The following PLCXD1 variants were observed in gnomAD, a reference collection of about 807,000 sequenced individuals.
The protein encoded by PLCXD1 is PI-PLC X domain-containing protein 1.
Under a neutral mutation model 37.8 loss-of-function variants are expected in PLCXD1, and 45 were observed. The observed-to-expected ratio is 1.19, with a 90% CI of 0.94 to 1.53. The LOEUF (loss-of-function observed/expected upper bound fraction) is 1.53, where lower values mean the gene tolerates loss of function less well. Ranked by LOEUF, PLCXD1 falls within the 40% of genes most tolerant of loss-of-function variation. The probability of loss-of-function intolerance (pLI) is 0.00; values close to 1 mark genes in which losing one functional copy is unlikely to be tolerated. For missense variants in PLCXD1, 539 were observed against 454.7 expected (o/e 1.19, Z -1.69); for synonymous variants, 246 against 206.9 (o/e 1.19, Z -1.62).
Position 284,194 on chromosome X carries a change from G to A in PLCXD1, c.7G>A (p.Gly3Arg). The stretch of plus-strand genomic sequence containing the variant: ...TGCCCAGGGCTCACCTCTGATGGGT[G>A]GGCAGGTGAGCGCTTCCAACAGCTT... MGGQVSASNSFSR... is the reference protein window; with the variant it reads MGRQVSASNSFSR... The change falls in exon 2 of 7, where the codon GGG (glycine) becomes AGG (arginine). Residue 3 changes from glycine (G) to arginine (R), a missense_variant. By Grantham distance (125) the Gly-to-Arg change is moderately radical. Coordinates refer to ENST00000381657, the MANE Select transcript of PLCXD1 (RefSeq NM_018390.4). 1.9e-6 allele frequency: 3 copies of A among 1,613,106 alleles called. No individual in the cohort carries two copies. Among genetic ancestry groups the A allele is most frequent in the Non-Finnish European group, 2.5e-6 (3 of 1,179,666 alleles).
intron 1 of PLCXD1, chrX:283,642 G>A (rs1239555767): frequency 5.8e-5 from 8 of 137,422 alleles, no homozygotes; most frequent in Non-Finnish European, 1.3e-4. Context: ...CCGGGTGGGG[G>A]CGGCCTTGGT....
chrX:299,223 A>G lies in PLCXD1; in HGVS notation c.860A>G (p.Gln287Arg), dbSNP rs1411957133. 1.2e-6 allele frequency: 2 copies of G among 1,613,780 alleles called. No individual in the cohort carries two copies. The highest frequency in any genetic ancestry group is 2.7e-5 in the African/African-American group (2 of 74,912). The change falls in exon 7 of 7, where the codon CAG becomes CGG. Residue 287 changes from glutamine to arginine, a missense_variant. By Grantham distance (43) the Gln-to-Arg change is conservative (BLOSUM62 1). Coordinates refer to ENST00000381657, the MANE Select transcript of PLCXD1 (RefSeq NM_018390.4). ...CGGCTGAGCGCGTGGGTCCGAGAGC[A>G]GTGCCCGGGGCCGGGTTCACGGTGC... ...LPRLSAWVREQCPGPGSRCTN... is the reference protein window; with the variant it reads ...LPRLSAWVRERCPGPGSRCTN...
intron 3 of PLCXD1, among the ~76,000 whole-genome samples, chrX:289,150 T>C (rs906106172): frequency 3.9e-5 from 6 of 152,068 alleles, no homozygotes; most frequent in Admixed American, 1.3e-4. Flanking sequence ...TGCAGTGGCG[T>C]GATCTCGGCT....
At chrX:282,958 A>T (rs764993699) in intron 1 of PLCXD1, among the ~76,000 whole-genome samples, 2 of 142,280 alleles carry the variant, frequency 1.4e-5, no homozygotes, top group Non-Finnish European at 3.0e-5. Flanking sequence ...TATATATATT[A>T]TATATGTATA....
At chrX:287,746 A>ATATATCTTAAATATAGATATATT (rs2069504574) in intron 2 of PLCXD1, among the ~76,000 whole-genome samples, 1 of 147,592 alleles carries the variant, frequency 6.8e-6, no homozygotes, top group East Asian at 2.0e-4. Flanking sequence ...TCTTAAATAT[A>ATATATCTTAAATATAGATATATT]TATATCTTAA....
intron 1 of PLCXD1, among the ~76,000 whole-genome samples, chrX:282,840 T>C (rs1047720491): frequency 1.4e-5 from 2 of 146,964 alleles, no homozygotes; most frequent in African/African-American, 4.9e-5. Context: ...TATATATACT[T>C]ATATATGTAT....
chrX:279,424 G>A (rs1190596787), upstream of PLCXD1, among the ~76,000 whole-genome samples: 3 of 152,156 alleles, frequency 2.0e-5, no homozygotes, highest in Non-Finnish European at 4.4e-5. Context: ...GGTGAGGCGG[G>A]CTTCCAGGTC....
At chrX:286,546 C>CT (rs2069456508) in intron 2 of PLCXD1, among the ~76,000 whole-genome samples, 1 of 152,026 alleles carries the variant, frequency 6.6e-6, no homozygotes, top group African/African-American at 2.4e-5. Flanking sequence ...AGCCGAGCTC[C>CT]TTAAAAAAGA....
At chrX:296,286 A>T (rs1294786030) in intron 6 of PLCXD1, among the ~76,000 whole-genome samples, 2 of 151,640 alleles carry the variant, frequency 1.3e-5, no homozygotes, top group East Asian at 3.9e-4. Flanking sequence ...ATGCTGAGCT[A>T]ATTTTTGGAT....
At chrX:289,685 G>A (rs1020384582) in intron 3 of PLCXD1, among the ~76,000 whole-genome samples, 19 of 150,906 alleles carry the variant, frequency 1.3e-4, no homozygotes, top group Non-Finnish European at 2.4e-4. Flanking sequence ...CTAATTTTTG[G>A]TATTTTGAGT....
At position 299,324 on chromosome X, in the gene PLCXD1, C is replaced by A; in HGVS notation, c.961C>A (p.Leu321Met). ...SDVIALNQKL[L>M]WC ...CGTCATCGCGCTCAATCAGAAGCTGCTGTGGTGCTGACGGGACCCTTCTGA... is the reference window on the plus strand; with the variant it reads ...CGTCATCGCGCTCAATCAGAAGCTGATGTGGTGCTGACGGGACCCTTCTGA... Residue 321 changes from leucine (L) to methionine (M), a missense_variant, in exon 7 of 7, where the codon CTG becomes ATG. Physicochemically the swap from Leu to Met is conservative, Grantham distance 15. Coordinates refer to ENST00000381657, the MANE Select transcript of PLCXD1 (RefSeq NM_018390.4). The A allele has an allele frequency of 6.2e-7, 1 of 1,611,714 alleles. No homozygotes were observed. The highest frequency in any genetic ancestry group is 8.5e-7 in the Non-Finnish European group (1 of 1,177,854).
intron 6 of PLCXD1, among the ~76,000 whole-genome samples, chrX:293,678 G>T (rs1345252395): frequency 2.0e-5 from 3 of 152,180 alleles, no homozygotes; most frequent in Non-Finnish European, 4.4e-5. Flanking sequence ...CCACGCGGTG[G>T]AATATTACAC....
chrX:301,955 A>G lies in PLCXD1; in HGVS notation c.*2620A>G, dbSNP rs963292329. The G allele has an allele frequency of 1.3e-5, 2 of 152,288 alleles. No homozygotes were observed. The highest frequency in any genetic ancestry group is 4.8e-5 in the African/African-American group (2 of 41,444). The allele number at this position is 152,288 out of a possible 1,614,324, so 9.4% of individuals were successfully genotyped here. A position where few individuals can be genotyped will look rare whatever the true frequency, so the allele number is the denominator to read the frequency against. On this transcript the variant is annotated 3_prime_UTR_variant, in exon 7 of 7. Transcript: ENST00000381657. The stretch of plus-strand genomic sequence containing the variant: ...GCCAGTATTTCCCTGGCCCTAAATC[A>G]TTCCTGGCTGGGTCCCAGCCCAGTA...
intron 3 of PLCXD1, among the ~76,000 whole-genome samples, chrX:289,355 G>A (rs1431349496): frequency 2.6e-5 from 4 of 151,980 alleles, no homozygotes; most frequent in African/African-American, 7.2e-5. Flanking sequence ...CGAAAGTGCT[G>A]GGATTACAGG....
At chrX:291,406 A>G (rs1167223308) in intron 4 of PLCXD1, 93 bp from the exon 5 acceptor site, 1 of 1,471,128 alleles carries the variant, frequency 6.8e-7, no homozygotes, top group Non-Finnish European at 9.5e-7. Flanking sequence ...TCGGCCTCCC[A>G]AATTGCTGGG....
At chrX:295,681 C>CG (rs2069783362) in intron 6 of PLCXD1, among the ~76,000 whole-genome samples, 1 of 151,514 alleles carries the variant, frequency 6.6e-6, no homozygotes, top group African/African-American at 2.4e-5. Flanking sequence ...CCCGCCACCA[C>CG]ACCCGGCTAA....
intron 4 of PLCXD1, 104 bp from the exon 5 acceptor site, chrX:291,395 C>G: frequency 7.6e-7 from 1 of 1,311,892 alleles, no homozygotes; most frequent in East Asian, 2.3e-5. Flanking sequence ...ATCCACCCGC[C>G]TCGGCCTCCC....
chrX:279,757 G>C (rs1302694973), upstream of PLCXD1, among the ~76,000 whole-genome samples: 1 of 148,884 alleles, frequency 6.7e-6, no homozygotes, highest in Non-Finnish European at 1.5e-5. Context: ...CTGCGCAACA[G>C]AGCGAGACCC....
intron 2 of PLCXD1, among the ~76,000 whole-genome samples, chrX:286,600 G>A (rs902034284): frequency 3.3e-5 from 5 of 152,192 alleles, no homozygotes; most frequent in South Asian, 2.1e-4. Flanking sequence ...AGGGGTCCAC[G>A]TGAAGGGGTC....
Sources: gnomAD v4.1 joint callset for allele counts (sites outside exome capture counted in the v4.1 genomes callset) on GRCh38, gnomAD v4.1.1 for gene constraint, MANE v1.5 for transcripts, NCBI Gene and HGNC (gene_info 2026-07-23, HGNC 2026-07-21) for gene names.